The following SLC24A2 variants were observed in gnomAD, a reference collection of about 807,000 sequenced individuals.
The protein encoded by SLC24A2 is sodium/potassium/calcium exchanger 2.
SLC24A2 carries 36 observed loss-of-function variants against 62.0 expected under a neutral mutation model. That is an observed-to-expected ratio of 0.58 (90% CI 0.44 to 0.77). The LOEUF (loss-of-function observed/expected upper bound fraction) is 0.77. SLC24A2 is among the 30% of genes least tolerant of loss of function. The pLI is 0.00. For missense variants in SLC24A2, 846 were observed against 817.9 expected (o/e 1.03, Z -0.42); for synonymous variants, 358 against 294.0 (o/e 1.22, Z -2.23).
chr9:20,132,128 A>C, the SLC24A2 span, among the ~76,000 whole-genome samples: 1 of 152,136 alleles, frequency 6.6e-6, no homozygotes, highest in Admixed American at 6.6e-5. Context: ...TAGCAGTTGA[A>C]CTTTCACAGT....
chr9:19,695,471 A>G (rs757622553), intron 2 of SLC24A2, among the ~76,000 whole-genome samples: 2 of 152,162 alleles, frequency 1.3e-5, no homozygotes, highest in African/African-American at 2.4e-5. Context: ...GTATTGGAGA[A>G]AACAGAAATC....
At chr9:20,097,821 C>T in the SLC24A2 span, among the ~76,000 whole-genome samples, 3 of 138,044 alleles carry the variant, frequency 2.2e-5, no homozygotes, top group African/African-American at 8.1e-5. Context: ...CGACTCACTG[C>T]AAGCTCCGCC....
intron 2 of SLC24A2, among the ~76,000 whole-genome samples, chr9:19,747,333 G>A (rs1365509934): frequency 6.6e-6 from 1 of 151,998 alleles, no homozygotes; most frequent in East Asian, 1.9e-4. Flanking sequence ...ATACAGGTAT[G>A]TGTACGTGTT....
At position 19,510,651 on chromosome 9, in the gene SLC24A2, C is replaced by CTAGGCAAACTCCATGGCATTCTTT. The variant is rs1030331789; in HGVS notation, c.*5478_*5501dup. ...ATGGAATTAAATCTTTGGTGGAAGC[C>CTAGGCAAACTCCATGGCATTCTTT]TAGGCAAACTCCATGGCATTCTTTC... On this transcript the variant is annotated 3_prime_UTR_variant, in exon 11 of 11. Coordinates refer to ENST00000341998, the MANE Select transcript of SLC24A2 (RefSeq NM_020344.4). 1.3e-5 allele frequency: 2 copies of CTAGGCAAACTCCATGGCATTCTTT among 152,150 alleles called. No individual in the cohort carries two copies. Among genetic ancestry groups the CTAGGCAAACTCCATGGCATTCTTT allele is most frequent in the African/African-American group, 4.8e-5 (2 of 41,442 alleles). 9.4% of individuals were successfully genotyped at this position (152,150 alleles called of 1,614,324 possible).
At chr9:20,099,436 C>A in the SLC24A2 span, among the ~76,000 whole-genome samples, 1 of 152,122 alleles carries the variant, frequency 6.6e-6, no homozygotes, top group Non-Finnish European at 1.5e-5. Context: ...TTGGTACTGA[C>A]TTTTCTCTTT....
chr9:20,089,863 G>A, the SLC24A2 span, among the ~76,000 whole-genome samples: 1 of 151,864 alleles, frequency 6.6e-6, no homozygotes, highest in Non-Finnish European at 1.5e-5. Context: ...GTGAGCCCTT[G>A]ACCCCCTGCT....
At chr9:20,262,111 T>C in the SLC24A2 span, among the ~76,000 whole-genome samples, 22 of 152,220 alleles carry the variant, frequency 1.4e-4, no homozygotes, top group African/African-American at 5.1e-4. Context: ...TCTGTACAGA[T>C]AGGAAAAGGC....
At chr9:19,608,062 T>C (rs1293626051) in intron 4 of SLC24A2, among the ~76,000 whole-genome samples, 1 of 152,214 alleles carries the variant, frequency 6.6e-6, no homozygotes, top group African/African-American at 2.4e-5. Context: ...TTGATACTAC[T>C]GTCATATTAG....
intron 2 of SLC24A2, among the ~76,000 whole-genome samples, chr9:19,743,788 A>G (rs1374343415): frequency 6.6e-6 from 1 of 152,148 alleles, no homozygotes; most frequent in Non-Finnish European, 1.5e-5. Flanking sequence ...AAGCATGGAC[A>G]TTTAGACGCA....
chr9:19,863,879 T>C, the SLC24A2 span, among the ~76,000 whole-genome samples: 1 of 151,204 alleles, frequency 6.6e-6, no homozygotes, highest in Admixed American at 6.6e-5. Flanking sequence ...GAAGAAAATA[T>C]AAAAGATCAA....
the SLC24A2 span, among the ~76,000 whole-genome samples, chr9:19,992,084 G>C: frequency 6.6e-6 from 1 of 152,184 alleles, no homozygotes; most frequent in Admixed American, 6.5e-5. Flanking sequence ...AAATATTAAT[G>C]TTATCACTTA....
At chr9:19,569,178 T>C (rs1835765422) in intron 7 of SLC24A2, among the ~76,000 whole-genome samples, 1 of 152,208 alleles carries the variant, frequency 6.6e-6, no homozygotes, top group Non-Finnish European at 1.5e-5. Context: ...ATATGGTCTC[T>C]GTCACATATG....
At chr9:19,918,110 C>A in the SLC24A2 span, among the ~76,000 whole-genome samples, 1 of 150,428 alleles carries the variant, frequency 6.6e-6, no homozygotes, top group Non-Finnish European at 1.5e-5. Flanking sequence ...TCGAAATAAT[C>A]ATATTTTTCT....
chr9:19,693,801 T>A lies in SLC24A2; in HGVS notation c.931-71502A>T, dbSNP rs577022174. ...GCACTCTTTATTTATTTATTTATTT[T>A]TTAAAAATAACTTCTTCCCTTTCTT... is the stretch of plus-strand genomic sequence containing the variant. On this transcript the variant is annotated intron_variant, in intron 2 of 10. Coordinates refer to ENST00000341998, the MANE Select transcript of SLC24A2 (RefSeq NM_020344.4). Among the ~76,000 whole-genome samples the A allele has an allele frequency of 2.0e-5, 3 of 152,162 alleles. No individual in the cohort carries two copies. The South Asian group carries it at 6.2e-4, about 32-fold the overall frequency.
At chr9:20,162,836 C>T in the SLC24A2 span, among the ~76,000 whole-genome samples, 2 of 152,072 alleles carry the variant, frequency 1.3e-5, no homozygotes, top group Admixed American at 1.3e-4. Flanking sequence ...ATACGCAAAA[C>T]AATAAATGTA....
chr9:19,723,762 C>T (rs963162193), intron 2 of SLC24A2, among the ~76,000 whole-genome samples: 4 of 151,444 alleles, frequency 2.6e-5, no homozygotes, highest in African/African-American at 9.7e-5. Context: ...GGGCCAGAAG[C>T]AAAGAGAGAA....
intron 2 of SLC24A2, among the ~76,000 whole-genome samples, chr9:19,639,962 C>T (rs1259414381): frequency 6.6e-6 from 1 of 152,172 alleles, no homozygotes; most frequent in African/African-American, 2.4e-5. Context: ...AAACCATATG[C>T]CCTCTTAAAA....
At chr9:20,129,027 C>G in the SLC24A2 span, among the ~76,000 whole-genome samples, 1 of 151,996 alleles carries the variant, frequency 6.6e-6, no homozygotes, top group Admixed American at 6.6e-5. Context: ...AAAATATTTT[C>G]AAATAATATC....
At chr9:19,903,392 C>A in the SLC24A2 span, among the ~76,000 whole-genome samples, 1 of 152,136 alleles carries the variant, frequency 6.6e-6, no homozygotes, top group African/African-American at 2.4e-5. Flanking sequence ...TCCCATCATG[C>A]GTGCTTCACA....
Sources: allele counts gnomAD v4.1 joint callset (sites outside exome capture counted in the v4.1 genomes callset), GRCh38; gene constraint gnomAD v4.1.1; transcripts MANE v1.5; gene names NCBI Gene and HGNC (gene_info 2026-07-23, HGNC 2026-07-21).